SLC4A4: variants seen among roughly 807,000 people sequenced by gnomAD.
The protein encoded by SLC4A4 is electrogenic sodium bicarbonate cotransporter 1.
A neutral mutation model predicts 111.5 loss-of-function variants in SLC4A4; 27 were observed. The observed-to-expected ratio is 0.24, with a 90% CI of 0.18 to 0.33. The LOEUF (loss-of-function observed/expected upper bound fraction) is 0.33. Ranked by LOEUF, SLC4A4 falls within the 10% of genes least tolerant of loss-of-function variation. SLC4A4 has a pLI of 1.00. For synonymous variants in SLC4A4, 443 were observed against 463.4 expected (o/e 0.96, Z 0.57); for missense variants, 909 against 1,315.5 (o/e 0.69, Z 4.78).
chr4:71,474,456 T>C (rs550275366), intron 14 of SLC4A4, among the ~76,000 whole-genome samples: 1 of 152,034 alleles, frequency 6.6e-6, no homozygotes, highest in African/African-American at 2.4e-5. Flanking sequence ...TACTACTTTT[T>C]ATGCTTGTGG....
rs370222578 is a variant in SLC4A4, at chr4:71,255,254, G to A, written c.108G>A (p.Pro36=). 782 of 1,613,382 alleles carry A rather than the reference G, an allele frequency of 4.8e-4. 24 individuals are homozygous for A. The South Asian group carries it at 5.3e-3, about 11-fold the overall frequency. Residue 36 remains proline (P), a synonymous_variant, in exon 3 of 26, where the codon CCG becomes CCA. Coordinates refer to ENST00000264485, the MANE Select transcript of SLC4A4 (RefSeq NM_001098484.3). ...CCATTTACATCGGAGTCCATGTGCC[G>A]AAGAGTTACAGGAGAAGGAGACGTC... The part of the protein sequence containing the change: ...HHTIYIGVHV[P]KSYRRRRRHK...
At chr4:71,143,076 C>A (rs1219393122) in intron 2 of SLC4A4, among the ~76,000 whole-genome samples, 1 of 152,076 alleles carries the variant, frequency 6.6e-6, no homozygotes, top group Non-Finnish European at 1.5e-5. Flanking sequence ...TTAGGTATAT[C>A]TCCTAACGCC....
intron 16 of SLC4A4, among the ~76,000 whole-genome samples, chr4:71,508,831 G>A (rs1178233665): frequency 6.6e-6 from 1 of 152,168 alleles, no homozygotes. Context: ...CAGTATCCTT[G>A]ATGAACATTG....
At chr4:71,321,054 G>T (rs1187014830) in intron 3 of SLC4A4, among the ~76,000 whole-genome samples, 1 of 151,968 alleles carries the variant, frequency 6.6e-6, no homozygotes, top group Non-Finnish European at 1.5e-5. Flanking sequence ...CAAAGGGGGT[G>T]AATTCTTTAC....
intron 3 of SLC4A4, among the ~76,000 whole-genome samples, chr4:71,311,038 G>A (rs1028480866): frequency 3.3e-5 from 5 of 152,162 alleles, no homozygotes; most frequent in Admixed American, 6.5e-5. Context: ...CTTAGGGGTT[G>A]CAATCGTAGT....
intron 6 of SLC4A4, among the ~76,000 whole-genome samples, chr4:71,373,040 A>G (rs1732029537): frequency 6.6e-6 from 1 of 152,180 alleles, no homozygotes; most frequent in Non-Finnish European, 1.5e-5. Context: ...TGGAGAGTTT[A>G]CTGACTAAAT....
rs558218665 is a variant in SLC4A4, at chr4:71,320,671, A to G, written c.254-18699A>G. ...GCTTATGCAGGTCTTAAAGAGTGTC[A>G]TAAATAGTCAAAAGTGTTTCCAAAC... On this transcript the variant is annotated intron_variant, in intron 3 of 25. Coordinates refer to ENST00000264485, the MANE Select transcript of SLC4A4 (RefSeq NM_001098484.3). 5.3e-5 allele frequency among the ~76,000 whole-genome samples: 8 copies of G among 152,192 alleles called. No homozygotes were observed. The South Asian group carries it at 8.3e-4, about 16-fold the overall frequency.
intron 2 of SLC4A4, among the ~76,000 whole-genome samples, chr4:71,140,041 C>G (rs1461830821): frequency 6.6e-6 from 1 of 152,166 alleles, no homozygotes; most frequent in Non-Finnish European, 1.5e-5. Context: ...TTTTCTCTTT[C>G]CAGCTTCTCC....
chr4:71,131,082 T>C (rs1056223334), intron 2 of SLC4A4, among the ~76,000 whole-genome samples: 4 of 152,214 alleles, frequency 2.6e-5, no homozygotes, highest in African/African-American at 9.6e-5. Context: ...GATAATTTTG[T>C]CTTCTCAACC....
At chr4:71,386,577 G>GT (rs1309369861) in intron 6 of SLC4A4, among the ~76,000 whole-genome samples, 3 of 151,040 alleles carry the variant, frequency 2.0e-5, no homozygotes, top group Admixed American at 6.6e-5. Flanking sequence ...TTTTATTGAG[G>GT]TTTTTTCTTT....
chr4:71,351,583 G>A (rs1348490184), intron 5 of SLC4A4, among the ~76,000 whole-genome samples: 4 of 152,180 alleles, frequency 2.6e-5, no homozygotes, highest in African/African-American at 4.8e-5. Context: ...CGCTGGGCGT[G>A]GTGGCTCATG....
intron 14 of SLC4A4, among the ~76,000 whole-genome samples, chr4:71,484,197 T>C (rs959957563): frequency 3.9e-5 from 6 of 152,006 alleles, no homozygotes; most frequent in Non-Finnish European, 5.9e-5. Context: ...ATTTGTCAAT[T>C]TTTGCTTTTG....
chr4:71,405,715 T>A (rs563595350), intron 7 of SLC4A4, among the ~76,000 whole-genome samples: 1 of 152,340 alleles, frequency 6.6e-6, no homozygotes, highest in South Asian at 2.1e-4. Flanking sequence ...AGATACTATT[T>A]GCTGGTCAGA....
chr4:71,069,347 C>T (rs748977272), intron 1 of SLC4A4, among the ~76,000 whole-genome samples: 3 of 152,058 alleles, frequency 2.0e-5, no homozygotes, highest in Non-Finnish European at 2.9e-5. Context: ...AATCTTGTAT[C>T]CCTGAGGACA....
At chr4:71,471,355 C>T (rs1368973283) in intron 13 of SLC4A4, among the ~76,000 whole-genome samples, 2 of 151,824 alleles carry the variant, frequency 1.3e-5, no homozygotes, top group African/African-American at 4.8e-5. Context: ...ATAATTTTGG[C>T]TGTGGTGTGG....
chr4:71,290,485 C>T (rs77989965), intron 3 of SLC4A4, among the ~76,000 whole-genome samples: 4 of 152,244 alleles, frequency 2.6e-5, no homozygotes, highest in African/African-American at 9.6e-5. Flanking sequence ...AAGACCTATT[C>T]GACTTCTCAA....
chr4:71,486,362 T>G (rs1450789272), intron 14 of SLC4A4, among the ~76,000 whole-genome samples: 1 of 151,520 alleles, frequency 6.6e-6, no homozygotes, highest in Non-Finnish European at 1.5e-5. Flanking sequence ...AGTGCCATCT[T>G]CAACCTATAA....
chr4:71,203,085 T>C (rs1746330840), intron 1 of SLC4A4, among the ~76,000 whole-genome samples: 1 of 152,122 alleles, frequency 6.6e-6, no homozygotes, highest in Non-Finnish European at 1.5e-5. Flanking sequence ...TGAATATGGA[T>C]AAAAGATTTG....
At chr4:71,114,108 G>A (rs542968732) in intron 2 of SLC4A4, among the ~76,000 whole-genome samples, 56 of 152,254 alleles carry the variant, frequency 3.7e-4, no homozygotes, top group Non-Finnish European at 6.5e-4. Flanking sequence ...TTAGCCGGGC[G>A]TGGTGGCAGG....
Sources: allele counts gnomAD v4.1 joint callset (sites outside exome capture counted in the v4.1 genomes callset), GRCh38; gene constraint gnomAD v4.1.1; transcripts MANE v1.5; gene names NCBI Gene and HGNC (gene_info 2026-07-23, HGNC 2026-07-21).